RITA1: variants seen among roughly 807,000 people sequenced by gnomAD.
RITA1 encodes the protein RBPJ-interacting and tubulin-associated protein 1.
Under a neutral mutation model 8.7 loss-of-function variants are expected in RITA1, and 15 were observed. The ratio of observed to expected loss-of-function variants is 1.72; its 90% confidence interval spans 1.15 to 2.65. The LOEUF is 2.65. Ranked by LOEUF, RITA1 falls within the 30% of genes most tolerant of loss-of-function variation. The pLI is 0.00. For missense variants in RITA1, 330 were observed against 363.8 expected (o/e 0.91, Z 0.76); for synonymous variants, 145 against 156.2 (o/e 0.93, Z 0.53).
chr12:113,190,068 G>T (rs1021073891), intron 3 of RITA1, among the ~76,000 whole-genome samples: 4 of 146,834 alleles, frequency 2.7e-5, no homozygotes, highest in Non-Finnish European at 6.0e-5. Flanking sequence ...AGTGACTCTT[G>T]CCTGTAATCC....
intron 3 of RITA1, among the ~76,000 whole-genome samples, chr12:113,190,698 T>A (rs1001947116): frequency 6.6e-6 from 1 of 152,234 alleles, no homozygotes; most frequent in African/African-American, 2.4e-5. Context: ...ATACTAATTG[T>A]GACTCTCAAT....
At position 113,191,820 on chromosome 12, in the gene RITA1, C is replaced by T. The variant is rs571942580; in HGVS notation, c.*3C>T. On this transcript the variant is annotated 3_prime_UTR_variant, in exon 4 of 4. Coordinates refer to ENST00000548278, the MANE Select transcript of RITA1 (RefSeq NM_032848.3). This position sits in a 1 kb window ranked among gnomAD's most constrained non-coding sequence, Gnocchi z 4.0. ...AACCAAAGCCCCCTTGGAAATGATACTCTTTCATCAGGGTTGCCTATGGGG... is the reference window on the plus strand; with the variant it reads ...AACCAAAGCCCCCTTGGAAATGATATTCTTTCATCAGGGTTGCCTATGGGG... The T allele has an allele frequency of 6.3e-7, 1 of 1,593,368 alleles. No homozygotes were observed. Among genetic ancestry groups the T allele is most frequent in the Non-Finnish European group, 8.6e-7 (1 of 1,168,100 alleles).
intron 3 of RITA1, among the ~76,000 whole-genome samples, chr12:113,189,995 T>C (rs1952582608): frequency 7.0e-6 from 1 of 142,376 alleles, no homozygotes; most frequent in Non-Finnish European, 1.5e-5. Flanking sequence ...GTCACTGCAC[T>C]CCAGCCTGGG....
At chr12:113,186,401 G>A in intron 2 of RITA1, 85 bp downstream of exon 2, 2 of 1,372,652 alleles carry the variant, frequency 1.5e-6, no homozygotes, top group East Asian at 2.7e-5. Flanking sequence ...TACCACCATA[G>A]TGTGTTTTCT....
At position 113,191,563 on chromosome 12, in the gene RITA1, G is replaced by A. The variant is rs777293300; in HGVS notation, c.556G>A (p.Gly186Ser). ...PAADSQKLSM[G>S]GLHSSRPLKR... ...GGCAGACTCCCAGAAGTTATCTATG[G>A]GTGGGTTACACTCTTCACGCCCCCT... Residue 186 changes from glycine (G) to serine (S), a missense_variant, in exon 4 of 4, where the codon GGT (glycine) becomes AGT (serine). Physicochemically the swap from Gly to Ser is moderately conservative, Grantham distance 56 (BLOSUM62 0). Transcript: ENST00000548278. The surrounding 1 kb of genome is among the most constrained non-coding windows in gnomAD (Gnocchi z 4.0). The A allele has an allele frequency of 2.5e-6, 4 of 1,614,018 alleles. No homozygotes were observed. In the East Asian group the frequency reaches 8.9e-5, roughly 36 times the overall value.
At position 113,192,110 on chromosome 12, in the gene RITA1, A is replaced by C; in HGVS notation, c.*293A>C. On this transcript the variant is annotated 3_prime_UTR_variant, in exon 4 of 4. Coordinates refer to ENST00000548278, the MANE Select transcript of RITA1 (RefSeq NM_032848.3). Reference sequence around the variant, plus strand: ...CCAGGGGCCTGGCACCTCCCACATCATCCATTGTCTTGCTGCCAAGTGCGA... The same window carrying C: ...CCAGGGGCCTGGCACCTCCCACATCCTCCATTGTCTTGCTGCCAAGTGCGA... The C allele has an allele frequency of 1.1e-5, 4 of 355,906 alleles. No homozygotes were observed. Among genetic ancestry groups the C allele is most frequent in the African/African-American group, 2.1e-5 (1 of 48,104 alleles). 22.0% of individuals were successfully genotyped at this position (355,906 alleles called of 1,614,324 possible).
At chr12:113,187,127 T>A (rs1952548165) in intron 3 of RITA1, 79 bp downstream of exon 3, 43 of 1,406,686 alleles carry the variant, frequency 3.1e-5, no homozygotes, top group Non-Finnish European at 4.1e-5. Context: ...GTTCACCTGC[T>A]CTGTGACCTT....
Position 113,186,191 on chromosome 12 carries a change from A to G in RITA1, c.-190A>G. On this transcript the variant is annotated 5_prime_UTR_variant, in exon 2 of 4. In the 5' UTR this introduces an upstream ATG that the reference lacks. Transcript: ENST00000548278. ...TTCACTTCCACCGTTTTAGCTTTAT[A>G]GGTGTGACCTACACATGTGACTTCA... The G allele has an allele frequency of 3.0e-6, 4 of 1,345,712 alleles. No homozygotes were observed. 83.4% of individuals were successfully genotyped at this position (1,345,712 alleles called of 1,614,324 possible).
Position 113,186,966 on chromosome 12 carries a change from T to C in RITA1, c.220T>C (p.Leu74=). The C allele has an allele frequency of 1.9e-6, 3 of 1,613,734 alleles. No homozygotes were observed. The highest frequency in any genetic ancestry group is 2.5e-6 in the Non-Finnish European group (3 of 1,179,874). The change falls in exon 3 of 4, where the codon TTG becomes CTG. Residue 74 remains leucine, a synonymous_variant. Transcript: ENST00000548278. ...RGVGKEASKA[L]GAKGSCETTP... The stretch of plus-strand genomic sequence containing the variant: ...CGTGGGCAAGGAGGCATCGAAGGCC[T>C]TGGGGGCAAAGGGGAGCTGTGAGAC...
chr12:113,189,771 C>G (rs1952579777), intron 3 of RITA1, among the ~76,000 whole-genome samples: 1 of 149,826 alleles, frequency 6.7e-6, no homozygotes, highest in Non-Finnish European at 1.5e-5. Flanking sequence ...CAGGCTGACT[C>G]AGGCCTGTAG....
intron 3 of RITA1, among the ~76,000 whole-genome samples, chr12:113,189,458 C>T (rs1952575748): frequency 6.6e-6 from 1 of 152,116 alleles, no homozygotes; most frequent in Non-Finnish European, 1.5e-5. Flanking sequence ...GAGGTGACAA[C>T]TCCTTGCTCA....
chr12:113,187,933 C>T (rs1952556298), intron 3 of RITA1, among the ~76,000 whole-genome samples: 1 of 152,172 alleles, frequency 6.6e-6, no homozygotes. Context: ...TGGTGAGCCA[C>T]AGGGCTCTGT....
intron 3 of RITA1, among the ~76,000 whole-genome samples, chr12:113,187,523 G>A (rs1002609682): frequency 3.9e-5 from 6 of 152,260 alleles, no homozygotes; most frequent in African/African-American, 7.2e-5. Context: ...AACGTTTGGA[G>A]GTTGAGGTGG....
Position 113,185,953 on chromosome 12 carries a change from G to T in RITA1, c.-265G>T, listed in dbSNP as rs374538335. 747 of 1,534,990 alleles carry T rather than the reference G, an allele frequency of 4.9e-4. 5 individuals carry two copies. The Middle Eastern group carries it at 8.5e-3, about 18-fold the overall frequency. On this transcript the variant is annotated 5_prime_UTR_variant, in exon 1 of 4. Coordinates refer to ENST00000548278, the MANE Select transcript of RITA1 (RefSeq NM_032848.3). ...CCCCGCGCCCTCACCGACGGGTCCAGACCTGGTGGGAAGAAGGTGCGGGGA... is the reference window on the plus strand; with the variant it reads ...CCCCGCGCCCTCACCGACGGGTCCATACCTGGTGGGAAGAAGGTGCGGGGA...
chr12:113,185,874 G>A lies in RITA1; in HGVS notation c.-344G>A. The A allele has an allele frequency of 1.6e-6, 2 of 1,283,264 alleles. No individual in the cohort carries two copies. Among genetic ancestry groups the A allele is most frequent in the South Asian group, 1.4e-5 (1 of 70,280 alleles). The allele number at this position is 1,283,264 out of a possible 1,614,324, so 79.5% of individuals were successfully genotyped here. A position where few individuals can be genotyped will look rare whatever the true frequency, so the allele number is the denominator to read the frequency against. On this transcript the variant is annotated 5_prime_UTR_variant, in exon 1 of 4. Coordinates refer to ENST00000548278, the MANE Select transcript of RITA1 (RefSeq NM_032848.3). ...ACGGCCTAGGCTGCCGGGGGTCCGGGGCCCCAGGCATTCCGGGCTGCAGAT... is the reference window on the plus strand; with the variant it reads ...ACGGCCTAGGCTGCCGGGGGTCCGGAGCCCCAGGCATTCCGGGCTGCAGAT...
At chr12:113,188,296 GAAC>G (rs1015922571) in intron 3 of RITA1, among the ~76,000 whole-genome samples, 6 of 148,320 alleles carry the variant, frequency 4.0e-5, no homozygotes, top group African/African-American at 1.5e-4. Flanking sequence ...CAGCTAACCT[GAAC>G]CTCTGCCTCC....
At chr12:113,189,828 G>A (rs1952580399) in intron 3 of RITA1, among the ~76,000 whole-genome samples, 1 of 148,572 alleles carries the variant, frequency 6.7e-6, no homozygotes, top group Non-Finnish European at 1.5e-5. Flanking sequence ...TTGAGCTCCA[G>A]AGTTTGAGAC....
Position 113,191,502 on chromosome 12 carries a change from C to T in RITA1, c.495C>T (p.His165=). The change falls in exon 4 of 4, where the codon CAC becomes CAT. Residue 165 remains histidine, a synonymous_variant. Coordinates refer to ENST00000548278, the MANE Select transcript of RITA1 (RefSeq NM_032848.3). This position sits in a 1 kb window ranked among gnomAD's most constrained non-coding sequence, Gnocchi z 4.0. ...GGGAGGCACCACTGCGAGCCATTCA[C>T]CCAGCTGGTCCCTCCAAGACAGAGC... ...RPREAPLRAI[H]PAGPSKTEPG... 1 of 1,606,028 alleles carries T rather than the reference C, an allele frequency of 6.2e-7. No homozygotes were observed. Among genetic ancestry groups the T allele is most frequent in the African/African-American group, 1.3e-5 (1 of 74,904 alleles).
At chr12:113,190,929 C>T (rs1365265509) in intron 3 of RITA1, among the ~76,000 whole-genome samples, 2 of 152,236 alleles carry the variant, frequency 1.3e-5, no homozygotes, top group African/African-American at 4.8e-5. Flanking sequence ...GGCAGAAAGA[C>T]ATCTCTTTCC....
Sources: gnomAD v4.1 joint callset for allele counts (sites outside exome capture counted in the v4.1 genomes callset) on GRCh38, gnomAD v4.1.1 for gene constraint, Gnocchi (gnomAD v3.1) non-coding constraint, MANE v1.5 for transcripts, NCBI Gene and HGNC (gene_info 2026-07-23, HGNC 2026-07-21) for gene names.